CYSLTR2: variants seen among roughly 807,000 people sequenced by gnomAD.
CYSLTR2 encodes the protein G-protein coupled receptor GPCR21.
For synonymous variants in CYSLTR2, 179 were observed against 160.8 expected, an observed-to-expected ratio of 1.11 and a Z score of -0.86; for missense variants, 398 against 411.9, an observed-to-expected ratio of 0.97 and a Z score of 0.29.
chr13:48,664,775 C>A (rs1041862833), intron 1 of CYSLTR2, among the ~76,000 whole-genome samples: 1 of 151,558 alleles, frequency 6.6e-6, no homozygotes, highest in Non-Finnish European at 1.5e-5. Context: ...TTCAAAAAAC[C>A]AGCTGTTCAC....
At chr13:48,683,264 C>T (rs1024602006) in intron 1 of CYSLTR2, among the ~76,000 whole-genome samples, 11 of 152,158 alleles carry the variant, frequency 7.2e-5, no homozygotes, top group Admixed American at 4.6e-4. Flanking sequence ...ATTGCTGGGT[C>T]AAATGGTAGT....
intron 1 of CYSLTR2, among the ~76,000 whole-genome samples, chr13:48,672,922 G>A (rs548648921): frequency 7.2e-5 from 11 of 152,250 alleles, no homozygotes; most frequent in African/African-American, 2.6e-4. Flanking sequence ...GGCCTGGAGT[G>A]AGTTTCTCAA....
At chr13:48,675,406 C>A (rs1041137147) in intron 1 of CYSLTR2, among the ~76,000 whole-genome samples, 5 of 152,134 alleles carry the variant, frequency 3.3e-5, no homozygotes, top group Admixed American at 2.6e-4. Flanking sequence ...TGGGCTCTGC[C>A]AGTTCGAACT....
intron 1 of CYSLTR2, among the ~76,000 whole-genome samples, chr13:48,674,490 C>G (rs1402983533): frequency 1.3e-5 from 2 of 152,188 alleles, no homozygotes; most frequent in Non-Finnish European, 2.9e-5. Flanking sequence ...ATGTTCTGCT[C>G]TAAACTGGTT....
chr13:48,655,360 C>G lies in CYSLTR2; in HGVS notation c.-266+1343C>G, dbSNP rs147346338. 8.5e-3 allele frequency among the ~76,000 whole-genome samples: 1,299 copies of G among 152,304 alleles called. 17 individuals carry two copies. The highest frequency in any genetic ancestry group is 0.029 in the African/African-American group (1,206 of 41,550). ...AGATCGATGGGATTGGATTTGGAGGCAGAAGGTGGCTCACTCTGGCTTTCA... is the reference window on the plus strand; with the variant it reads ...AGATCGATGGGATTGGATTTGGAGGGAGAAGGTGGCTCACTCTGGCTTTCA... On this transcript the variant is annotated intron_variant, in intron 1 of 4. Transcript: ENST00000682523.
chr13:48,707,637 T>C lies in CYSLTR2; in HGVS notation c.820T>C (p.Trp274Arg), dbSNP rs1343956755. ...HTLRTVHLTT[W>R]KVGLCKDRLH... ...ACTGAGGACCGTCCACTTGACGACA[T>C]GGAAAGTGGGTTTATGCAAAGACAG... is the stretch of plus-strand genomic sequence containing the variant. The change falls in exon 5 of 5, where the codon TGG becomes CGG. Residue 274 changes from tryptophan (W) to arginine (R), a missense_variant. Transcript: ENST00000682523. 6.2e-7 allele frequency: 1 copy of C among 1,613,806 alleles called. No homozygotes were observed. The highest frequency in any genetic ancestry group is 2.2e-5 in the East Asian group (1 of 44,878).
In CYSLTR2 at chr13:48,691,611, C is replaced by T. The variant is rs553586480; in HGVS notation, c.-176+310C>T. Among the ~76,000 whole-genome samples, 71 of 152,104 alleles carry T rather than the reference C, an allele frequency of 4.7e-4. No homozygotes were observed. In the South Asian group the frequency reaches 0.014, roughly 30 times the overall value. On this transcript the variant is annotated intron_variant, in intron 2 of 4. Coordinates refer to ENST00000682523, the MANE Select transcript of CYSLTR2 (RefSeq NM_001308476.3). The stretch of plus-strand genomic sequence containing the variant: ...AGAGCTAATGAAAGACTGAAATAAA[C>T]AATAGATTTTTTGATGAGTCCCATG...
Position 48,707,580 on chromosome 13 carries a change from A to G in CYSLTR2, c.763A>G (p.Ile255Val), listed in dbSNP as rs1566110787. Residue 255 changes from isoleucine to valine, a missense_variant, in exon 5 of 5, where the codon ATC becomes GTC. Ile to Val is a conservative substitution (Grantham distance 29). Coordinates refer to ENST00000682523, the MANE Select transcript of CYSLTR2 (RefSeq NM_001308476.3). ...GACCACCATCATCATCACCTTGATC[A>G]TCTTCTTCTTGTGTTTCCTGCCCTA... ...ALTTIIITLI[I>V]FFLCFLPYHT... is the part of the protein sequence containing the mutation. 2 of 1,609,582 alleles carry G rather than the reference A, an allele frequency of 1.2e-6. No homozygotes were observed. Among genetic ancestry groups the G allele is most frequent in the Non-Finnish European group, 1.7e-6 (2 of 1,180,002 alleles).
At chr13:48,705,711 C>G (rs548371701) in intron 4 of CYSLTR2, among the ~76,000 whole-genome samples, 1 of 150,276 alleles carries the variant, frequency 6.7e-6, no homozygotes, top group Non-Finnish European at 1.5e-5. Context: ...CTTATTTCCT[C>G]TTATGTCTCT....
chr13:48,691,158 T>A (rs748626052), intron 1 of CYSLTR2, 54 bp from the exon 2 acceptor site: 5 of 152,116 alleles, frequency 3.3e-5, no homozygotes, highest in East Asian at 1.9e-4. Context: ...AAGTCAGTGA[T>A]AGCATATCCT....
At chr13:48,701,030 T>A (rs182184308) in intron 4 of CYSLTR2, among the ~76,000 whole-genome samples, 1 of 150,532 alleles carries the variant, frequency 6.6e-6, no homozygotes, top group East Asian at 2.0e-4. Context: ...TGGAAGAACA[T>A]TCAATATTGT....
chr13:48,677,585 G>A (rs942127268), intron 1 of CYSLTR2, among the ~76,000 whole-genome samples: 3 of 152,142 alleles, frequency 2.0e-5, no homozygotes, highest in African/African-American at 4.8e-5. Flanking sequence ...CAGAGAGGAG[G>A]AGAGATGAAC....
chr13:48,682,663 A>T (rs77187291), intron 1 of CYSLTR2, among the ~76,000 whole-genome samples: 1,874 of 152,296 alleles, frequency 0.012, 43 homozygotes, highest in African/African-American at 0.043. Context: ...GTTCTTAAGA[A>T]ATCAACTTAC....
At chr13:48,661,188 G>A (rs1953118695) in intron 1 of CYSLTR2, among the ~76,000 whole-genome samples, 1 of 151,806 alleles carries the variant, frequency 6.6e-6, no homozygotes, top group South Asian at 2.1e-4. Context: ...CTGGGCTCAA[G>A]CGATCTTCCT....
Position 48,683,410 on chromosome 13 carries a change from A to G in CYSLTR2, c.-265-7802A>G, listed in dbSNP as rs149876430. 6.0e-3 allele frequency among the ~76,000 whole-genome samples: 920 copies of G among 152,286 alleles called. 11 individuals are homozygous for G. Among genetic ancestry groups the G allele is most frequent in the African/African-American group, 0.021 (883 of 41,570 alleles). On this transcript the variant is annotated intron_variant, in intron 1 of 4. Transcript: ENST00000682523. The stretch of plus-strand genomic sequence containing the variant: ...GCATCTGTTTTTCTTTGACTTTTTA[A>G]TAATAGCCATTCTGACTGGTGTGAA...
At chr13:48,691,766 C>T (rs112049229) in intron 2 of CYSLTR2, among the ~76,000 whole-genome samples, 103 of 152,096 alleles carry the variant, frequency 6.8e-4, no homozygotes, top group African/African-American at 2.4e-3. Context: ...TGTGCTTAAA[C>T]ATGAGCATTC....
chr13:48,682,941 C>A (rs1167968670), intron 1 of CYSLTR2, among the ~76,000 whole-genome samples: 1 of 152,166 alleles, frequency 6.6e-6, no homozygotes, highest in East Asian at 1.9e-4. Context: ...CATCTGTTCT[C>A]ATAATTTAGC....
At chr13:48,665,847 A>G (rs1291934394) in intron 1 of CYSLTR2, among the ~76,000 whole-genome samples, 1 of 152,008 alleles carries the variant, frequency 6.6e-6, no homozygotes. Flanking sequence ...ACTTACTTCT[A>G]TCATTGTATT....
chr13:48,667,632 C>T (rs1453129583), intron 1 of CYSLTR2, among the ~76,000 whole-genome samples: 1 of 152,150 alleles, frequency 6.6e-6, no homozygotes, highest in Non-Finnish European at 1.5e-5. Flanking sequence ...GTTTGCTGGG[C>T]ATGACCTATG....
Sources: gnomAD v4.1 joint callset for allele counts (sites outside exome capture counted in the v4.1 genomes callset) on GRCh38, gnomAD v4.1.1 for gene constraint, MANE v1.5 for transcripts, NCBI Gene and HGNC (gene_info 2026-07-23, HGNC 2026-07-21) for gene names.